ZNF345: variants seen among roughly 807,000 people sequenced by gnomAD.
ZNF345 encodes zinc finger protein 345.
For missense variants in ZNF345, 527 were observed against 589.9 expected, an observed-to-expected ratio of 0.89 and a Z score of 1.10; for synonymous variants, 166 against 187.9, an observed-to-expected ratio of 0.88 and a Z score of 0.95.
chr19:36,885,215 AGTTATAT>A (rs2072990021), intron 3 of ZNF345, among the ~76,000 whole-genome samples: 1 of 151,906 alleles, frequency 6.6e-6, no homozygotes, highest in African/African-American at 2.4e-5. Context: ...ACTATTATAT[AGTTATAT>A]AAGTATGTAG....
chr19:36,873,061 A>G (rs1040860914), intron 2 of ZNF345, among the ~76,000 whole-genome samples: 6 of 152,046 alleles, frequency 3.9e-5, no homozygotes, highest in Non-Finnish European at 8.8e-5. Context: ...CCATTTCTGT[A>G]TCTTTTTTGT....
chr19:36,855,753 A>G (rs1236868453), intron 2 of ZNF345, among the ~76,000 whole-genome samples: 8 of 1,858 alleles, frequency 4.3e-3, no homozygotes, highest in Admixed American at 0.032. Flanking sequence ...CACCCGGCCC[A>G]TGTTTCTTTT....
At chr19:36,874,819 G>A (rs2072850523) in intron 2 of ZNF345, among the ~76,000 whole-genome samples, 2 of 152,228 alleles carry the variant, frequency 1.3e-5, no homozygotes, top group South Asian at 4.2e-4. Context: ...TTTTGTTGCT[G>A]CAGCTTCCTC....
intron 2 of ZNF345, among the ~76,000 whole-genome samples, chr19:36,867,965 G>C (rs1036178911): frequency 6.7e-6 from 1 of 150,144 alleles, no homozygotes; most frequent in Non-Finnish European, 1.5e-5. Flanking sequence ...ATGGATTTTG[G>C]GTACCAATTG....
rs1305129726 is a variant in ZNF345 at position 36,876,776 on chromosome 19, TTC to T, written c.-46-7_-46-6del. The T allele has an allele frequency of 4.7e-6, 7 of 1,503,340 alleles. No homozygotes were observed. Among genetic ancestry groups the T allele is most frequent in the Non-Finnish European group, 6.2e-6 (7 of 1,121,326 alleles). 93.1% of individuals were successfully genotyped at this position (1,503,340 alleles called of 1,614,324 possible). On this transcript the variant is annotated splice_region_variant and splice_polypyrimidine_tract_variant and intron_variant, in intron 2 of 2. Coordinates refer to ENST00000420450, the MANE Select transcript of ZNF345 (RefSeq NM_001242472.2). Reference sequence around the variant, plus strand: ...AAAAGTGAATGTTTGCTTTTATATTTTCTTTCAGACTATGAATCAAAGTTGAG... The same window carrying T: ...AAAAGTGAATGTTTGCTTTTATATTTTTTCAGACTATGAATCAAAGTTGAG...
At position 36,867,698 on chromosome 19, in the gene ZNF345, A is replaced by T. The variant is rs986184755; in HGVS notation, c.-46-9087A>T. Among the ~76,000 whole-genome samples, 6 of 152,284 alleles carry T rather than the reference A, an allele frequency of 3.9e-5. 1 individual carries two copies. The highest frequency in any genetic ancestry group is 3.9e-4 in the Admixed American group (6 of 15,298). ...TCTTGAGCTCACATTTTATATTTGC[A>T]TGTGTTTATCCAGTTGTCCCAATAC... is the stretch of plus-strand genomic sequence containing the variant. On this transcript the variant is annotated intron_variant, in intron 2 of 2. Transcript: ENST00000420450.
At chr19:36,860,960 C>T (rs995146276) in intron 2 of ZNF345, among the ~76,000 whole-genome samples, 25 of 151,156 alleles carry the variant, frequency 1.7e-4, no homozygotes, top group African/African-American at 5.8e-4. Context: ...TGTTTGATTT[C>T]TATCGCCATT....
chr19:36,886,500 G>A (rs1273785837), intron 3 of ZNF345, among the ~76,000 whole-genome samples: 2 of 152,198 alleles, frequency 1.3e-5, no homozygotes, highest in African/African-American at 4.8e-5. Context: ...GATCTTAGCG[G>A]AGGAACATTC....
At chr19:36,864,131 T>G (rs762200931) in intron 2 of ZNF345, among the ~76,000 whole-genome samples, 2 of 152,220 alleles carry the variant, frequency 1.3e-5, no homozygotes, top group Non-Finnish European at 2.9e-5. Context: ...TAGGAAAGTT[T>G]AATATAAAAA....
At chr19:36,891,822 A>T in intron 3 of ZNF345, 1 of 1,614,020 alleles carries the variant, frequency 6.2e-7, no homozygotes, top group Non-Finnish European at 8.5e-7. Context: ...TACATTCATA[A>T]GGTTTCTCAC....
At chr19:36,886,674 C>T (rs1042872085) in intron 3 of ZNF345, among the ~76,000 whole-genome samples, 1 of 151,642 alleles carries the variant, frequency 6.6e-6, no homozygotes, top group Non-Finnish European at 1.5e-5. Context: ...GGTGAAGCCC[C>T]GTCTCTACTA....
chr19:36,892,527 C>T lies in ZNF345; in HGVS notation c.47-291C>T, dbSNP rs981851168. On this transcript the variant is annotated intron_variant, in intron 3 of 3. Coordinates refer to the ZNF345 transcript ENST00000526123. ...TCCTATTCTGGGCAAGTTAAAACTT[C>T]TAAAAAAGAAATGGGAGAATTAAAC... is the stretch of plus-strand genomic sequence containing the variant. 3 of 1,477,686 alleles carry T rather than the reference C, an allele frequency of 2.0e-6. No homozygotes were observed. In the East Asian group the frequency reaches 6.8e-5, roughly 34 times the overall value. 91.5% of individuals were successfully genotyped at this position (1,477,686 alleles called of 1,614,324 possible). A position where few individuals can be genotyped will look rare whatever the true frequency, so the allele number is the denominator to read the frequency against.
intron 3 of ZNF345, among the ~76,000 whole-genome samples, chr19:36,886,549 T>TA (rs1378736310): frequency 6.6e-6 from 1 of 152,188 alleles, no homozygotes; most frequent in African/African-American, 2.4e-5. Flanking sequence ...TAAGGTCATT[T>TA]AAAATGAGGA....
At chr19:36,885,208 A>G (rs571647812) in intron 3 of ZNF345, among the ~76,000 whole-genome samples, 22 of 152,034 alleles carry the variant, frequency 1.4e-4, no homozygotes, top group Non-Finnish European at 2.4e-4. Flanking sequence ...TTATATAACT[A>G]TTATATAGTT....
rs767908264 is a variant in ZNF345, at chr19:36,878,294, T to C, written c.1464T>C (p.Asn488=). 6.4e-6 allele frequency: 10 copies of C among 1,560,184 alleles called. No individual in the cohort carries two copies. Among genetic ancestry groups the C allele is most frequent in the Non-Finnish European group, 8.6e-6 (10 of 1,157,796 alleles). The change falls in exon 3 of 3, where the codon AAT becomes AAC. Residue 488 remains asparagine, a synonymous_variant. Coordinates refer to ENST00000420450, the MANE Select transcript of ZNF345 (RefSeq NM_001242472.2). ...GKKLCELETI[N] is the part of the protein sequence containing the mutation. The stretch of plus-strand genomic sequence containing the variant: ...AACTCTGCGAATTGGAAACTATAAA[T>C]TGAAATTATGTGCTGAAGGAAGGAC...
Position 36,877,333 on chromosome 19 carries a change from A to G in ZNF345, c.503A>G (p.His168Arg). The G allele has an allele frequency of 6.2e-7, 1 of 1,614,122 alleles. No homozygotes were observed. The highest frequency in any genetic ancestry group is 8.5e-7 in the Non-Finnish European group (1 of 1,180,018). Residue 168 changes from histidine (H) to arginine (R), a missense_variant, in exon 3 of 3, where the codon CAC becomes CGC. Transcript: ENST00000420450. The stretch of plus-strand genomic sequence containing the variant: ...GGCCTTATTCGACATCAGATCATTC[A>G]CAGTGGTGAGAAGCCTTATGAGTGT... ...GSGLIRHQII[H>R]SGEKPYECKE...
chr19:36,852,238 C>T (rs2072292461), intron 2 of ZNF345, among the ~76,000 whole-genome samples: 1 of 148,734 alleles, frequency 6.7e-6, no homozygotes, highest in South Asian at 2.1e-4. Flanking sequence ...CTACTACAGG[C>T]AGTGTGACTA....
At chr19:36,861,574 A>ATTTTTTTTTTTTTTTTTTTTTTT (rs1568352757) in intron 2 of ZNF345, among the ~76,000 whole-genome samples, 2 of 152,060 alleles carry the variant, frequency 1.3e-5, no homozygotes, top group African/African-American at 4.8e-5. Flanking sequence ...TTATTTATTT[A>ATTTTTTTTTTTTTTTTTTTTTTT]TTTTTGAGAC....
At chr19:36,856,758 G>A (rs2072426822) in intron 2 of ZNF345, among the ~76,000 whole-genome samples, 2 of 151,870 alleles carry the variant, frequency 1.3e-5, no homozygotes, top group South Asian at 4.1e-4. Flanking sequence ...TGGGAGGCAG[G>A]AGAATCGCTG....
Sources: allele counts gnomAD v4.1 joint callset (sites outside exome capture counted in the v4.1 genomes callset), GRCh38; gene constraint gnomAD v4.1.1; transcripts MANE v1.5; gene names NCBI Gene and HGNC (gene_info 2026-07-23, HGNC 2026-07-21).